Variants in BCAS4 observed in about 807,000 individuals in gnomAD.
The protein encoded by BCAS4 is breast carcinoma-amplified sequence 4.
Under a neutral mutation model 15.7 loss-of-function variants are expected in BCAS4, and 9 were observed. The observed-to-expected ratio is 0.57, with a 90% CI of 0.34 to 1.00. BCAS4 has a LOEUF of 1.00. Among genes scored for constraint, BCAS4 ranks in the 50% least tolerant of loss-of-function variants. The pLI is 0.02. For synonymous variants in BCAS4, 101 were observed against 99.5 expected (o/e 1.02, Z -0.09); for missense variants, 225 against 239.1 (o/e 0.94, Z 0.39).
intron 1 of BCAS4, among the ~76,000 whole-genome samples, chr20:50,812,717 G>C (rs2088086676): frequency 6.6e-6 from 1 of 151,648 alleles, no homozygotes; most frequent in Non-Finnish European, 1.5e-5. Context: ...TGGGATTACA[G>C]GCGTGAGCCA....
At chr20:50,829,805 G>A (rs6020776) in intron 2 of BCAS4, among the ~76,000 whole-genome samples, 1 of 152,002 alleles carries the variant, frequency 6.6e-6, no homozygotes, top group Non-Finnish European at 1.5e-5. Flanking sequence ...GAAGTACTTA[G>A]GACAGTGCCT....
chr20:50,836,513 C>T (rs1230296328), intron 3 of BCAS4, among the ~76,000 whole-genome samples: 2 of 152,166 alleles, frequency 1.3e-5, no homozygotes, highest in Non-Finnish European at 2.9e-5. Flanking sequence ...TGTAGTTGTC[C>T]ACAAGGCTGA....
At chr20:50,815,885 G>A (rs1009787701) in intron 1 of BCAS4, among the ~76,000 whole-genome samples, 1 of 152,178 alleles carries the variant, frequency 6.6e-6, no homozygotes, top group Non-Finnish European at 1.5e-5. Flanking sequence ...GGAGCAGGAC[G>A]GTGTGGCCTG....
chr20:50,860,189 A>G (rs1238371388), intron 4 of BCAS4, among the ~76,000 whole-genome samples: 3 of 152,150 alleles, frequency 2.0e-5, no homozygotes, highest in African/African-American at 7.2e-5. Flanking sequence ...CAGTGGTAAC[A>G]TGCTTCAAAA....
chr20:50,858,977 A>C (rs13044289), intron 4 of BCAS4, among the ~76,000 whole-genome samples: 32,903 of 151,146 alleles, frequency 0.22, 3,686 homozygotes, highest in African/African-American at 0.28. Flanking sequence ...CCTGTCACCC[A>C]GGCTGGAGTG....
chr20:50,872,673 T>C (rs1304402890), intron 4 of BCAS4, among the ~76,000 whole-genome samples: 1 of 151,934 alleles, frequency 6.6e-6, no homozygotes, highest in African/African-American at 2.4e-5. Context: ...CCCACCACTC[T>C]CCAAGACTGT....
At chr20:50,843,330 C>A (rs1187785775) in intron 4 of BCAS4, among the ~76,000 whole-genome samples, 1 of 152,188 alleles carries the variant, frequency 6.6e-6, no homozygotes, top group Non-Finnish European at 1.5e-5. Context: ...TCTTTCCCAG[C>A]CATCTTGTGT....
chr20:50,848,736 C>T (rs2088576863), intron 4 of BCAS4, among the ~76,000 whole-genome samples: 3 of 152,242 alleles, frequency 2.0e-5, no homozygotes, highest in Admixed American at 1.3e-4. Context: ...TGGGTGCCCT[C>T]CAGGCTGCAG....
chr20:50,854,068 C>T (rs1247370633), intron 4 of BCAS4, among the ~76,000 whole-genome samples: 1 of 152,182 alleles, frequency 6.6e-6, no homozygotes, highest in African/African-American at 2.4e-5. Flanking sequence ...GGGGACTCAT[C>T]ATAGTCCCCT....
chr20:50,819,623 C>T (rs1426862427), intron 2 of BCAS4, among the ~76,000 whole-genome samples: 1 of 152,108 alleles, frequency 6.6e-6, no homozygotes, highest in Non-Finnish European at 1.5e-5. Context: ...TCTAGGGTCA[C>T]AGCAGAAATC....
chr20:50,834,170 C>T (rs1038404513), intron 3 of BCAS4, among the ~76,000 whole-genome samples: 1 of 152,052 alleles, frequency 6.6e-6, no homozygotes, highest in African/African-American at 2.4e-5. Context: ...GCTGCTGTAA[C>T]CCCCGCTCCC....
intron 4 of BCAS4, among the ~76,000 whole-genome samples, chr20:50,853,444 C>T (rs540417866): frequency 6.6e-6 from 1 of 152,222 alleles, no homozygotes; most frequent in East Asian, 1.9e-4. Context: ...CCAGCCAACA[C>T]CCCCCTTTCT....
intron 1 of BCAS4, among the ~76,000 whole-genome samples, chr20:50,802,023 A>G (rs1363645768): frequency 6.6e-6 from 1 of 152,036 alleles, no homozygotes; most frequent in Non-Finnish European, 1.5e-5. Context: ...AGGGTCATGC[A>G]TGAAGGACAG....
At chr20:50,823,729 T>G (rs1348995641) in intron 2 of BCAS4, among the ~76,000 whole-genome samples, 2 of 152,192 alleles carry the variant, frequency 1.3e-5, no homozygotes, top group African/African-American at 4.8e-5. Context: ...ATTCCACTAG[T>G]CTGAAGTTCA....
intron 1 of BCAS4, among the ~76,000 whole-genome samples, chr20:50,807,549 G>T (rs1434204521): frequency 1.3e-5 from 2 of 152,140 alleles, no homozygotes; most frequent in Non-Finnish European, 2.9e-5. Flanking sequence ...GGTGGTGTTT[G>T]GTTACATGAA....
intron 4 of BCAS4, among the ~76,000 whole-genome samples, chr20:50,861,381 C>A (rs977282778): frequency 6.6e-6 from 1 of 152,198 alleles, no homozygotes; most frequent in East Asian, 1.9e-4. Context: ...AGGGCCTGCA[C>A]CGTGTGGAGC....
At position 50,851,763 on chromosome 20, in the gene BCAS4, C is replaced by A. The variant is rs1224034223; in HGVS notation, c.399+9863C>A. 1.6e-4 allele frequency among the ~76,000 whole-genome samples: 25 copies of A among 152,174 alleles called. No homozygotes were observed. Among genetic ancestry groups the A allele is most frequent in the Non-Finnish European group, 5.9e-5 (4 of 68,022 alleles). On this transcript the variant is annotated intron_variant, in intron 4 of 4. Coordinates refer to ENST00000371608, the MANE Select transcript of BCAS4 (RefSeq NM_198799.4). The surrounding 1 kb of genome is among the most constrained non-coding windows in gnomAD (Gnocchi z 4.3). Reference sequence around the variant, plus strand: ...CGGTTCCCCTCCCTGGAAAACCCTTCCCGCTCCCCACCTGGCAATGTTCAT... The same window carrying A: ...CGGTTCCCCTCCCTGGAAAACCCTTACCGCTCCCCACCTGGCAATGTTCAT...
rs1321397434 is a variant in BCAS4, at chr20:50,852,576, T to TTTGCCATGTTAGCCAGGCCGGTC, written c.399+10680_399+10702dup. 2.2e-3 allele frequency among the ~76,000 whole-genome samples: 331 copies of TTTGCCATGTTAGCCAGGCCGGTC among 152,172 alleles called. 2 individuals carry two copies. Among genetic ancestry groups the TTTGCCATGTTAGCCAGGCCGGTC allele is most frequent in the African/African-American group, 7.5e-3 (311 of 41,518 alleles). Reference sequence around the variant, plus strand: ...TTTGTATTTTTAGTAGAGATGAGGTTTTGCCATGTTAGCCAGGCCGGTCTT... The same window carrying TTTGCCATGTTAGCCAGGCCGGTC: ...TTTGTATTTTTAGTAGAGATGAGGTTTTGCCATGTTAGCCAGGCCGGTCTTGCCATGTTAGCCAGGCCGGTCTT... On this transcript the variant is annotated intron_variant, in intron 4 of 4. Transcript: ENST00000371608.
At chr20:50,856,350 T>C (rs991736372) in intron 4 of BCAS4, among the ~76,000 whole-genome samples, 14 of 152,248 alleles carry the variant, frequency 9.2e-5, no homozygotes, top group African/African-American at 3.4e-4. Flanking sequence ...CTGTTCTGGC[T>C]GATAACATCA....
Sources: allele counts gnomAD v4.1 joint callset (sites outside exome capture counted in the v4.1 genomes callset), GRCh38; gene constraint gnomAD v4.1.1; non-coding constraint Gnocchi (gnomAD v3.1); transcripts MANE v1.5; gene names NCBI Gene and HGNC (gene_info 2026-07-23, HGNC 2026-07-21).